Variants in PTPRC observed in about 807,000 individuals in gnomAD.
PTPRC encodes the protein protein tyrosine phosphatase receptor type C, also known as receptor-type tyrosine-protein phosphatase C.
In PTPRC, 44 loss-of-function variants were observed where a neutral mutation model predicts 155.9. The observed-to-expected ratio is 0.28, with a 90% CI of 0.22 to 0.36. The LOEUF is 0.36. Ranked by LOEUF, PTPRC falls within the 10% of genes least tolerant of loss-of-function variation. The pLI is 1.00. For synonymous variants in PTPRC, 525 were observed against 533.1 expected, an observed-to-expected ratio of 0.98 and a Z score of 0.21; for missense variants, 1,401 against 1,564.6, an observed-to-expected ratio of 0.90 and a Z score of 1.76.
Position 198,748,092 on chromosome 1 carries a change from T to TTG in PTPRC, c.2848-16_2848-15insGT. ...TACATTTTAAAGGAGTTTTTCTGTTTTTTTTTTTTTTTTCAGAGACTTCCT... is the reference window on the plus strand; with the variant it reads ...TACATTTTAAAGGAGTTTTTCTGTTTTGTTTTTTTTTTTTTCAGAGACTTCCT... On this transcript the variant is annotated splice_polypyrimidine_tract_variant and intron_variant, in intron 26 of 32. Coordinates refer to ENST00000442510, the MANE Select transcript of PTPRC (RefSeq NM_002838.5). 1.5e-6 allele frequency: 2 copies of TTG among 1,297,678 alleles called. No homozygotes were observed. Among genetic ancestry groups the TTG allele is most frequent in the Non-Finnish European group, 2.0e-6 (2 of 981,384 alleles). The allele number at this position is 1,297,678 out of a possible 1,614,324, so 80.4% of individuals were successfully genotyped here.
chr1:198,685,960 T>C (rs989567517), intron 2 of PTPRC, among the ~76,000 whole-genome samples: 12 of 152,148 alleles, frequency 7.9e-5, no homozygotes, highest in Admixed American at 2.0e-4. Flanking sequence ...TTTTCTTTTT[T>C]TTTTAGCGGG....
At chr1:198,703,605 A>G in intron 7 of PTPRC, 1 of 658,466 alleles carries the variant, frequency 1.5e-6, no homozygotes, top group Non-Finnish European at 2.6e-6. Flanking sequence ...CATGTGTGAG[A>G]AACAACCACA....
At chr1:198,655,699 C>A (rs1320119373) in intron 2 of PTPRC, among the ~76,000 whole-genome samples, 1 of 151,976 alleles carries the variant, frequency 6.6e-6, no homozygotes, top group African/African-American at 2.4e-5. Context: ...AGTTGGAGAA[C>A]TGAGATGACC....
chr1:198,686,856 G>A (rs1236049921), intron 2 of PTPRC, among the ~76,000 whole-genome samples: 1 of 152,182 alleles, frequency 6.6e-6, no homozygotes, highest in Non-Finnish European at 1.5e-5. Flanking sequence ...GTACAAGGCT[G>A]TCTACATACA....
chr1:198,721,042 C>A (rs1653862326), intron 14 of PTPRC, among the ~76,000 whole-genome samples: 1 of 152,168 alleles, frequency 6.6e-6, no homozygotes, highest in African/African-American at 2.4e-5. Flanking sequence ...AGGTGTACAT[C>A]ATATTAAAAT....
intron 23 of PTPRC, among the ~76,000 whole-genome samples, chr1:198,738,860 A>T (rs1465347335): frequency 6.6e-6 from 1 of 151,810 alleles, no homozygotes; most frequent in East Asian, 1.9e-4. Context: ...GGTACCAAAA[A>T]TAATGGCAAC....
intron 9 of PTPRC, among the ~76,000 whole-genome samples, chr1:198,707,800 A>T (rs1653070607): frequency 6.6e-6 from 1 of 152,244 alleles, no homozygotes; most frequent in Non-Finnish European, 1.5e-5. Flanking sequence ...AATTTAAGAT[A>T]AAAACAAAAA....
chr1:198,743,528 C>G (rs1231646333), intron 25 of PTPRC, among the ~76,000 whole-genome samples: 2 of 151,608 alleles, frequency 1.3e-5, no homozygotes, highest in African/African-American at 4.8e-5. Context: ...TGGATTCAAA[C>G]AAAATAAGCA....
At chr1:198,721,720 A>C (rs1028970678) in intron 14 of PTPRC, among the ~76,000 whole-genome samples, 7 of 151,940 alleles carry the variant, frequency 4.6e-5, no homozygotes, top group African/African-American at 1.2e-4. Context: ...ATTTATGAAT[A>C]TTCTGTGAAT....
At chr1:198,661,307 TTTAA>T (rs1284357670) in intron 2 of PTPRC, among the ~76,000 whole-genome samples, 3 of 149,592 alleles carry the variant, frequency 2.0e-5, no homozygotes, top group African/African-American at 4.9e-5. Context: ...TTTTAAAATA[TTTAA>T]TTATTTATTA....
intron 23 of PTPRC, among the ~76,000 whole-genome samples, chr1:198,740,233 G>GAAAT (rs2102509285): frequency 6.6e-6 from 1 of 151,814 alleles, no homozygotes; most frequent in East Asian, 1.9e-4. Context: ...AAATGAAACT[G>GAAAT]AAATAAAAAA....
chr1:198,655,052 A>G (rs1246512583), intron 2 of PTPRC, among the ~76,000 whole-genome samples: 1 of 151,972 alleles, frequency 6.6e-6, no homozygotes, highest in African/African-American at 2.4e-5. Context: ...TAATTTGTAT[A>G]CAGGATATAA....
intron 2 of PTPRC, among the ~76,000 whole-genome samples, chr1:198,648,485 T>C (rs1663057108): frequency 6.6e-6 from 1 of 151,780 alleles, no homozygotes; most frequent in African/African-American, 2.4e-5. Context: ...GTCAGTTTAA[T>C]AACCTGGAAT....
chr1:198,708,342 C>A, intron 10 of PTPRC, 81 bp downstream of exon 10: 1 of 1,366,574 alleles, frequency 7.3e-7, no homozygotes, highest in Non-Finnish European at 1.0e-6. Flanking sequence ...ACTCTCTGCC[C>A]TTTCTCTCTT....
chr1:198,694,117 G>A lies in PTPRC; in HGVS notation c.100+1744G>A, dbSNP rs1242248538. 49 of 1,545,242 alleles carry A rather than the reference G, an allele frequency of 3.2e-5. 1 individual carries two copies. The South Asian group carries it at 3.4e-4, about 11-fold the overall frequency. On this transcript the variant is annotated intron_variant, in intron 3 of 32. Transcript: ENST00000442510. ...GCCTTCAGTTGGTGGCCAAAGGCCC[G>A]AGAGCCCCTCACAAACCACTGGAGT...
chr1:198,662,871 A>C (rs1664056193), intron 2 of PTPRC, among the ~76,000 whole-genome samples: 1 of 152,126 alleles, frequency 6.6e-6, no homozygotes, highest in African/African-American at 2.4e-5. Context: ...TTTTCCTCCA[A>C]CGTAAGGATC....
At chr1:198,656,032 A>G (rs931853833) in intron 2 of PTPRC, among the ~76,000 whole-genome samples, 1 of 152,126 alleles carries the variant, frequency 6.6e-6, no homozygotes, top group Non-Finnish European at 1.5e-5. Context: ...CAAAGGAGAT[A>G]TCACATAATT....
chr1:198,699,448 C>G (rs1171135649), intron 4 of PTPRC, 116 bp from the exon 5 acceptor site: 2 of 1,229,616 alleles, frequency 1.6e-6, no homozygotes, highest in East Asian at 4.7e-5. Flanking sequence ...TTAACAGATT[C>G]AGTTACTTCA....
chr1:198,654,938 T>A (rs1663472506), intron 2 of PTPRC, among the ~76,000 whole-genome samples: 1 of 151,894 alleles, frequency 6.6e-6, no homozygotes, highest in Admixed American at 6.6e-5. Context: ...ACTGAAAATG[T>A]CAAATCAATT....
Sources: allele counts gnomAD v4.1 joint callset (sites outside exome capture counted in the v4.1 genomes callset), GRCh38; gene constraint gnomAD v4.1.1; transcripts MANE v1.5; gene names NCBI Gene and HGNC (gene_info 2026-07-23, HGNC 2026-07-21).